Variants in RBFOX1 observed in about 807,000 individuals in gnomAD.
RBFOX1 encodes the protein RNA binding fox-1 homolog 1.
RBFOX1 carries 8 observed loss-of-function variants against 57.7 expected under a neutral mutation model. The observed-to-expected ratio is 0.14, with a 90% CI of 0.08 to 0.25. RBFOX1 has a LOEUF of 0.25. Ranked by LOEUF, RBFOX1 falls within the 10% of genes least tolerant of loss-of-function variation. The pLI, the probability that RBFOX1 is intolerant of heterozygous loss-of-function variation, is 1.00. For missense variants in RBFOX1, 611 were observed against 548.5 expected (o/e 1.11, Z -1.14); for synonymous variants, 326 against 222.4 (o/e 1.47, Z -4.15).
intron 3 of RBFOX1, among the ~76,000 whole-genome samples, chr16:6,655,512 A>G (rs1054626566): frequency 2.0e-5 from 3 of 151,702 alleles, no homozygotes; most frequent in Non-Finnish European, 2.9e-5. Context: ...ACATATTTAG[A>G]GTCCCCTCAC....
chr16:5,593,029 G>A (rs1450005016), intron 2 of RBFOX1, among the ~76,000 whole-genome samples: 1 of 152,150 alleles, frequency 6.6e-6, no homozygotes, highest in African/African-American at 2.4e-5. Context: ...TAGGAAGTCA[G>A]CACCAAATAC....
intron 1 of RBFOX1, among the ~76,000 whole-genome samples, chr16:6,088,059 A>G (rs935890722): frequency 1.3e-5 from 2 of 152,176 alleles, no homozygotes; most frequent in African/African-American, 2.4e-5. Flanking sequence ...AGCCACAACA[A>G]ACTTTCTACA....
chr16:6,623,956 C>G (rs1200691324), intron 2 of RBFOX1, among the ~76,000 whole-genome samples: 1 of 151,976 alleles, frequency 6.6e-6, no homozygotes, highest in Non-Finnish European at 1.5e-5. Context: ...GGGTATATAC[C>G]CAGTAGTGGG....
intron 3 of RBFOX1, among the ~76,000 whole-genome samples, chr16:5,786,340 C>T (rs1297938751): frequency 2.6e-5 from 4 of 152,108 alleles, no homozygotes; most frequent in African/African-American, 4.8e-5. Context: ...GGGGCCCTTC[C>T]AGCTGTCCCT....
intron 4 of RBFOX1, among the ~76,000 whole-genome samples, chr16:7,451,196 C>G (rs1429513415): frequency 6.6e-6 from 1 of 152,154 alleles, no homozygotes; most frequent in African/African-American, 2.4e-5. Context: ...CATCGGATTT[C>G]TATGGAGGCT....
intron 3 of RBFOX1, among the ~76,000 whole-genome samples, chr16:5,607,957 T>G (rs961058167): frequency 1.3e-5 from 2 of 152,182 alleles, no homozygotes; most frequent in African/African-American, 4.8e-5. Context: ...TTGTTTGTAG[T>G]TTGGGGCTAT....
At chr16:6,073,725 T>C (rs2095862928) in intron 1 of RBFOX1, among the ~76,000 whole-genome samples, 1 of 152,228 alleles carries the variant, frequency 6.6e-6, no homozygotes, top group Admixed American at 6.5e-5. Context: ...TTATATTAGT[T>C]GTTCCTCCCA....
intron 3 of RBFOX1, among the ~76,000 whole-genome samples, chr16:6,994,953 G>C (rs529814492): frequency 1.3e-5 from 2 of 151,874 alleles, no homozygotes; most frequent in Admixed American, 1.3e-4. Context: ...TTTTGTGTGT[G>C]TGTGTGTGTG....
At chr16:7,132,895 T>C (rs1426479926) in intron 4 of RBFOX1, among the ~76,000 whole-genome samples, 1 of 152,208 alleles carries the variant, frequency 6.6e-6, no homozygotes, top group Non-Finnish European at 1.5e-5. Flanking sequence ...CCCTGACATA[T>C]GTGCATAAAA....
intron 1 of RBFOX1, among the ~76,000 whole-genome samples, chr16:5,376,081 T>C (rs1024551207): frequency 1.3e-5 from 2 of 151,868 alleles, no homozygotes; most frequent in African/African-American, 2.4e-5. Context: ...GGCAGGAGAA[T>C]TGCTTGAACC....
rs185002388 is a variant in RBFOX1, at chr16:7,405,732, A to T, written c.28-112415A>T. Among the ~76,000 whole-genome samples the T allele has an allele frequency of 6.2e-4, 94 of 152,280 alleles. 1 individual carries two copies. The East Asian group carries it at 0.018, about 29-fold the overall frequency. ...TCCCTGTTACCAGAAAGTGGACAGT[A>T]AGCTTGGATGACACAGAGGGGGTTC... On this transcript the variant is annotated intron_variant, in intron 4 of 15. Transcript: ENST00000550418.
chr16:6,981,308 C>T (rs112427258), intron 3 of RBFOX1, among the ~76,000 whole-genome samples: 7,981 of 152,050 alleles, frequency 0.052, 230 homozygotes, highest in African/African-American at 0.072. Context: ...TTTTGTCCCC[C>T]TCTATGTGTC....
At chr16:5,750,347 T>C (rs2053149448) in intron 3 of RBFOX1, among the ~76,000 whole-genome samples, 1 of 152,240 alleles carries the variant, frequency 6.6e-6, no homozygotes, top group Non-Finnish European at 1.5e-5. Context: ...CTGTCCATTC[T>C]CAGATGTCAA....
intron 4 of RBFOX1, among the ~76,000 whole-genome samples, chr16:7,275,693 G>T (rs7195576): frequency 0.37 from 56,179 of 152,022 alleles, 11,680 homozygotes; most frequent in African/African-American, 0.55. Flanking sequence ...TCTCTCCCAG[G>T]ATTATAGGTA....
At chr16:6,339,659 A>C (rs1166767626) in intron 2 of RBFOX1, among the ~76,000 whole-genome samples, 1 of 150,298 alleles carries the variant, frequency 6.7e-6, no homozygotes, top group Admixed American at 6.6e-5. Context: ...TTTTTATTTT[A>C]TTTTATTTTA....
chr16:6,463,838 G>C (rs1450132501), intron 2 of RBFOX1, among the ~76,000 whole-genome samples: 1 of 152,082 alleles, frequency 6.6e-6, no homozygotes, highest in Non-Finnish European at 1.5e-5. Context: ...GTTAGAAGGA[G>C]GTGAGTTCCT....
intron 3 of RBFOX1, among the ~76,000 whole-genome samples, chr16:6,880,065 C>G (rs1052689541): frequency 1.3e-5 from 2 of 152,162 alleles, no homozygotes; most frequent in Admixed American, 6.5e-5. Flanking sequence ...CCTCCAGATT[C>G]AACTCCTTTC....
Position 6,925,418 on chromosome 16 carries a change from C to G in RBFOX1, c.-15-126639C>G, listed in dbSNP as rs181635379. 5.3e-4 allele frequency among the ~76,000 whole-genome samples: 81 copies of G among 151,732 alleles called. No individual in the cohort carries two copies. The Middle Eastern group carries it at 0.014, about 25-fold the overall frequency. On this transcript the variant is annotated intron_variant, in intron 3 of 15. Coordinates refer to ENST00000550418, the MANE Select transcript of RBFOX1 (RefSeq NM_018723.4). ...GGGATTATAGGAGTGAGCCACTGCACCCAGCCTATCCTTTTTAATGCGACT... is the reference window on the plus strand; with the variant it reads ...GGGATTATAGGAGTGAGCCACTGCAGCCAGCCTATCCTTTTTAATGCGACT...
At chr16:7,051,968 G>A (rs1334369557) in intron 3 of RBFOX1, 89 bp from the exon 4 acceptor site, 2 of 1,539,366 alleles carry the variant, frequency 1.3e-6, no homozygotes, top group Non-Finnish European at 1.8e-6. Context: ...TCTTTGAGCT[G>A]AGTAATTAAA....
Sources: allele counts gnomAD v4.1 joint callset (sites outside exome capture counted in the v4.1 genomes callset), GRCh38; gene constraint gnomAD v4.1.1; transcripts MANE v1.5; gene names NCBI Gene and HGNC (gene_info 2026-07-23, HGNC 2026-07-21).